The following GLI3 variants were observed in gnomAD, a reference collection of about 807,000 sequenced individuals.
GLI3 encodes GLI family zinc finger 3, also known as transcription activator GLI3.
GLI3 carries 20 observed loss-of-function variants against 100.8 expected under a neutral mutation model. The ratio of observed to expected loss-of-function variants is 0.20; its 90% CI spans 0.14 to 0.29. The LOEUF is 0.29. GLI3 is among the 10% of genes least tolerant of loss of function. The pLI, the probability that GLI3 is intolerant of heterozygous loss-of-function variation, is 1.00. For missense variants in GLI3, 2,040 were observed against 2,128.5 expected (o/e 0.96, Z 0.82); for synonymous variants, 938 against 860.5 (o/e 1.09, Z -1.58).
intron 10 of GLI3, among the ~76,000 whole-genome samples, chr7:42,022,574 CTGCCACACTTAA>C (rs2128730328): frequency 6.6e-6 from 1 of 152,292 alleles, no homozygotes; most frequent in South Asian, 2.1e-4. Context: ...GTTTAAAAAA[CTGCCACACTTAA>C]TGCCTCAACA....
At chr7:42,003,867 AC>A (rs1441789114) in intron 10 of GLI3, among the ~76,000 whole-genome samples, 1 of 152,338 alleles carries the variant, frequency 6.6e-6, no homozygotes, top group East Asian at 1.9e-4. Context: ...TCAAAGCAGC[AC>A]AAAAAATGAA....
At position 41,962,636 on chromosome 7, in the gene GLI3, T is replaced by G. The variant is rs1787039618; in HGVS notation, c.*1694A>C. ...GTCCCCAGTGGCAAATCAACCTCCA[T>G]GCGGAGATTCTTGGTCCAAATGAAA... On this transcript the variant is annotated 3_prime_UTR_variant, in exon 15 of 15. Transcript: ENST00000395925. The G allele has an allele frequency of 6.6e-6, 1 of 152,198 alleles. No homozygotes were observed. The highest frequency in any genetic ancestry group is 2.4e-5 in the African/African-American group (1 of 41,454). 9.4% of individuals were successfully genotyped at this position (152,198 alleles called of 1,614,324 possible).
chr7:42,138,429 G>A (rs1407115861), intron 3 of GLI3, among the ~76,000 whole-genome samples: 1 of 152,196 alleles, frequency 6.6e-6, no homozygotes, highest in Admixed American at 6.5e-5. Flanking sequence ...CTGCACATTT[G>A]ATCAAAAGGT....
intron 10 of GLI3, among the ~76,000 whole-genome samples, chr7:42,006,627 C>T (rs986956986): frequency 1.3e-5 from 2 of 152,176 alleles, no homozygotes; most frequent in African/African-American, 4.8e-5. Flanking sequence ...CTGACAAGGA[C>T]TACAACTCCT....
intron 7 of GLI3, 79 bp from the exon 8 acceptor site, chr7:42,026,491 A>G (rs1234856010): frequency 1.8e-6 from 2 of 1,081,938 alleles, no homozygotes; most frequent in Non-Finnish European, 2.8e-6. Context: ...GCAGCTTTCT[A>G]TCTATAATTT....
chr7:42,089,026 G>A (rs894313214), intron 3 of GLI3, among the ~76,000 whole-genome samples: 2 of 152,122 alleles, frequency 1.3e-5, no homozygotes, highest in African/African-American at 4.8e-5. Flanking sequence ...AGTAACCCCT[G>A]GCTTCTAGAC....
In GLI3 at chr7:41,964,535, C is replaced by A. The variant is rs772777499; in HGVS notation, c.4538G>T (p.Gly1513Val). 6.2e-7 allele frequency: 1 copy of A among 1,613,916 alleles called. No individual in the cohort carries two copies. Among genetic ancestry groups the A allele is most frequent in the Non-Finnish European group, 8.5e-7 (1 of 1,179,782 alleles). The change falls in exon 15 of 15, where the codon GGG becomes GTG. Residue 1513 changes from glycine (G) to valine (V), a missense_variant. Coordinates refer to ENST00000395925, the MANE Select transcript of GLI3 (RefSeq NM_000168.6). Reference protein sequence around the residue: ...QIDFDAIIDDGDHSSLMSGAL... With the variant: ...QIDFDAIIDDVDHSSLMSGAL... Reference sequence around the variant, plus strand: ...CCCCGACATCAGGCTGGAGTGGTCCCCATCGTCTATGATGGCATCGAAGTC... The same window carrying A: ...CCCCGACATCAGGCTGGAGTGGTCCACATCGTCTATGATGGCATCGAAGTC...
chr7:42,135,319 A>G (rs371959574), intron 3 of GLI3, among the ~76,000 whole-genome samples: 1 of 152,312 alleles, frequency 6.6e-6, no homozygotes, highest in Middle Eastern at 3.4e-3. Context: ...CTAGCTAGCT[A>G]TATCTCAGAG....
chr7:42,016,665 A>G (rs1026232915), intron 10 of GLI3, among the ~76,000 whole-genome samples: 1 of 152,144 alleles, frequency 6.6e-6, no homozygotes, highest in Non-Finnish European at 1.5e-5. Context: ...ATTCCTTCAA[A>G]TCAGGTGCTA....
rs199504215 is a variant in GLI3, at chr7:42,148,442, G to A, written c.151C>T (p.His51Tyr). The A allele has an allele frequency of 6.2e-7, 1 of 1,613,802 alleles. No homozygotes were observed. The highest frequency in any genetic ancestry group is 8.5e-7 in the Non-Finnish European group (1 of 1,179,708). Residue 51 changes from histidine (H) to tyrosine (Y), a missense_variant, in exon 3 of 15, where the codon CAC becomes TAC. Coordinates refer to ENST00000395925, the MANE Select transcript of GLI3 (RefSeq NM_000168.6). ...GTGATTGCGTTTCTTCTCTCTCTGT[G>A]ATAAGTCTGTCCAGGACTTTCATCC... is the stretch of plus-strand genomic sequence containing the variant. Reference protein sequence around the residue: ...NEDESPGQTYHRERRNAITMQ... With the variant: ...NEDESPGQTYYRERRNAITMQ...
intron 3 of GLI3, among the ~76,000 whole-genome samples, chr7:42,127,292 T>C (rs1583580394): frequency 6.6e-6 from 1 of 152,216 alleles, no homozygotes; most frequent in East Asian, 1.9e-4. Context: ...TAAAGATGTT[T>C]TTCTCTGACA....
chr7:42,209,853 A>G (rs1164059039), intron 2 of GLI3, among the ~76,000 whole-genome samples: 1 of 146,844 alleles, frequency 6.8e-6, no homozygotes, highest in Non-Finnish European at 1.5e-5. Flanking sequence ...TCTTGCTCTT[A>G]CAGATCATCA....
chr7:41,967,245 A>T (rs1787209986), intron 14 of GLI3, among the ~76,000 whole-genome samples: 1 of 152,222 alleles, frequency 6.6e-6, no homozygotes, highest in African/African-American at 2.4e-5. Flanking sequence ...AAATATAAAT[A>T]AAAGTGGCTG....
chr7:42,190,017 C>CACAG (rs1554337808), intron 2 of GLI3, among the ~76,000 whole-genome samples: 6 of 131,084 alleles, frequency 4.6e-5, no homozygotes, highest in East Asian at 4.2e-4. Flanking sequence ...CACACACACA[C>CACAG]AGAGAACTAT....
At chr7:42,028,782 T>C (rs1252326716) in intron 7 of GLI3, among the ~76,000 whole-genome samples, 1 of 148,942 alleles carries the variant, frequency 6.7e-6, no homozygotes, top group Admixed American at 6.7e-5. Flanking sequence ...ATAATAATAA[T>C]AATAATAATA....
chr7:41,963,538 C>G lies in GLI3; in HGVS notation c.*792G>C, dbSNP rs1047268774. On this transcript the variant is annotated 3_prime_UTR_variant, in exon 15 of 15. Coordinates refer to ENST00000395925, the MANE Select transcript of GLI3 (RefSeq NM_000168.6). ...TCTCTAACTGCAGTGCGAAACAGCA[C>G]TGAATGTTCATGAAGGTAGTGGGAG... 1 of 152,206 alleles carries G rather than the reference C, an allele frequency of 6.6e-6. No individual in the cohort carries two copies. The highest frequency in any genetic ancestry group is 6.5e-5 in the Admixed American group (1 of 15,284). 9.4% of individuals were successfully genotyped at this position (152,206 alleles called of 1,614,324 possible). A position where few individuals can be genotyped will look rare whatever the true frequency, so the allele number is the denominator to read the frequency against.
At chr7:42,005,532 A>C (rs1231578134) in intron 10 of GLI3, among the ~76,000 whole-genome samples, 1 of 150,054 alleles carries the variant, frequency 6.7e-6, no homozygotes, top group Non-Finnish European at 1.5e-5. Flanking sequence ...CCTCCTCTAA[A>C]TTTTGGGGTC....
At chr7:42,145,974 G>T (rs1786696745) in intron 3 of GLI3, among the ~76,000 whole-genome samples, 1 of 152,180 alleles carries the variant, frequency 6.6e-6, no homozygotes, top group South Asian at 2.1e-4. Context: ...CAGCTAGCAA[G>T]TGACAAAGCT....
intron 10 of GLI3, among the ~76,000 whole-genome samples, chr7:42,000,153 G>T (rs1191588350): frequency 6.6e-6 from 1 of 152,208 alleles, no homozygotes; most frequent in Non-Finnish European, 1.5e-5. Flanking sequence ...GATGGAGAAA[G>T]AAAATGTATA....
Sources: gnomAD v4.1 joint callset for allele counts (sites outside exome capture counted in the v4.1 genomes callset) on GRCh38, gnomAD v4.1.1 for gene constraint, MANE v1.5 for transcripts, NCBI Gene and HGNC (gene_info 2026-07-23, HGNC 2026-07-21) for gene names.